The following ARHGAP20 variants were observed in gnomAD, a reference collection of about 807,000 sequenced individuals.
ARHGAP20 encodes rho GTPase-activating protein 20.
ARHGAP20 carries 34 observed loss-of-function variants against 73.7 expected under a neutral mutation model. The ratio of observed to expected loss-of-function variants is 0.46; its 90% CI spans 0.35 to 0.61. ARHGAP20 has a LOEUF of 0.61. Among genes scored for constraint, ARHGAP20 ranks in the 20% least tolerant of loss-of-function variants. ARHGAP20 has a pLI of 0.00. For missense variants in ARHGAP20, 1,314 were observed against 1,420.9 expected (o/e 0.92, Z 1.21); for synonymous variants, 523 against 518.2 (o/e 1.01, Z -0.13).
intron 2 of ARHGAP20, among the ~76,000 whole-genome samples, chr11:110,637,262 CTA>C (rs373457422): frequency 1.3e-4 from 20 of 152,138 alleles, no homozygotes; most frequent in African/African-American, 4.3e-4. Context: ...TTGGAATTGT[CTA>C]TGTTTATTAG....
Position 110,614,633 on chromosome 11 carries a change from T to C in ARHGAP20, c.558A>G (p.Leu186=), listed in dbSNP as rs1222791153. The C allele has an allele frequency of 8.1e-6, 13 of 1,611,204 alleles. No individual in the cohort carries two copies. The highest frequency in any genetic ancestry group is 1.3e-5 in the African/African-American group (1 of 74,906). ...TCTTCGGGTAGTCCTTTTCTTTCTC[T>C]AGATTGATGTATCTAATCAAATGCA... ...WLSLLQRYIN[L]EKEKDYPKSI... is the part of the protein sequence containing the mutation. The change falls in exon 6 of 15, where the codon CTA becomes CTG. Residue 186 remains leucine (L), a synonymous_variant. Coordinates refer to ENST00000683387, the MANE Select transcript of ARHGAP20 (RefSeq NM_001384657.1).
At chr11:110,681,362 TTTAAA>T (rs1950033348) in intron 2 of ARHGAP20, among the ~76,000 whole-genome samples, 1 of 152,170 alleles carries the variant, frequency 6.6e-6, no homozygotes, top group Non-Finnish European at 1.5e-5. Context: ...TAACTTCTCT[TTTAAA>T]TTAATTTTTC....
At chr11:110,686,167 C>A (rs995372008) in intron 2 of ARHGAP20, among the ~76,000 whole-genome samples, 2 of 152,096 alleles carry the variant, frequency 1.3e-5, no homozygotes, top group South Asian at 2.1e-4. Context: ...TTATTTAAAA[C>A]AGCAAGCTCA....
intron 9 of ARHGAP20, among the ~76,000 whole-genome samples, chr11:110,596,367 A>G (rs1947960441): frequency 6.6e-6 from 1 of 150,456 alleles, no homozygotes; most frequent in South Asian, 2.1e-4. Context: ...AACCTACAAA[A>G]TGGGAGAACA....
At chr11:110,602,691 TAATTG>T (rs979037495) in intron 9 of ARHGAP20, among the ~76,000 whole-genome samples, 1 of 152,174 alleles carries the variant, frequency 6.6e-6, no homozygotes, top group Non-Finnish European at 1.5e-5. Flanking sequence ...TGAGAATAGA[TAATTG>T]AATAGTTGAG....
chr11:110,688,531 T>G (rs1950180727), intron 2 of ARHGAP20, among the ~76,000 whole-genome samples: 1 of 152,126 alleles, frequency 6.6e-6, no homozygotes, highest in Non-Finnish European at 1.5e-5. Context: ...AACAATAAAT[T>G]TATTTTTACA....
intron 2 of ARHGAP20, among the ~76,000 whole-genome samples, chr11:110,650,206 C>T (rs1262677214): frequency 6.6e-6 from 1 of 152,052 alleles, no homozygotes; most frequent in Admixed American, 6.6e-5. Context: ...CTAGGGGGCA[C>T]TTTAATTATA....
At chr11:110,587,247 T>A (rs1465083281) in intron 11 of ARHGAP20, among the ~76,000 whole-genome samples, 2 of 152,210 alleles carry the variant, frequency 1.3e-5, no homozygotes, top group South Asian at 4.1e-4. Context: ...ATTACCAAGG[T>A]CAAGCTTGCA....
intron 2 of ARHGAP20, among the ~76,000 whole-genome samples, chr11:110,682,307 A>G (rs1403830410): frequency 6.6e-6 from 1 of 152,196 alleles, no homozygotes; most frequent in Non-Finnish European, 1.5e-5. Flanking sequence ...TATGTACTAG[A>G]GACTACTTTA....
chr11:110,602,871 A>G (rs750354770), intron 9 of ARHGAP20, among the ~76,000 whole-genome samples: 1 of 152,234 alleles, frequency 6.6e-6, no homozygotes, highest in Non-Finnish European at 1.5e-5. Context: ...TCTGCATAGA[A>G]TAACTATGGG....
chr11:110,665,905 A>T lies in ARHGAP20; in HGVS notation c.188+24642T>A, dbSNP rs372147163. 3.0e-4 allele frequency among the ~76,000 whole-genome samples: 46 copies of T among 152,238 alleles called. 2 individuals carry two copies. In the South Asian group the frequency reaches 7.9e-3, roughly 26 times the overall value. On this transcript the variant is annotated intron_variant, in intron 2 of 14. Transcript: ENST00000683387. ...TGACGTGATTGTTGCTAAGGCAGAA[A>T]ATTCTAATGAATCTCGAGAAATGCT...
Position 110,611,340 on chromosome 11 carries a change from A to G in ARHGAP20, c.677T>C (p.Ile226Thr), listed in dbSNP as rs1277209074. ...VMNSDTANEV[I>T]NMSLPMLGIT... is the part of the protein sequence containing the mutation. ...CCCTAGCATTGGTAATGACATGTTG[A>G]TAACTTCATTCGCTGTATCTGAATT... The change falls in exon 7 of 15, where the codon ATC becomes ACC. Residue 226 changes from isoleucine to threonine, a missense_variant. Physicochemically the swap from Ile to Thr is moderately conservative, Grantham distance 89 (BLOSUM62 -1). This residue lies in a region of ARHGAP20 where 443 missense variants were observed against 466.4 expected (regional missense o/e 0.95). Coordinates refer to ENST00000683387, the MANE Select transcript of ARHGAP20 (RefSeq NM_001384657.1). 6.4e-7 allele frequency: 1 copy of G among 1,572,524 alleles called. No individual in the cohort carries two copies. The highest frequency in any genetic ancestry group is 1.8e-5 in the Admixed American group (1 of 55,518).
chr11:110,655,275 A>G (rs998914443), intron 2 of ARHGAP20, among the ~76,000 whole-genome samples: 2 of 152,164 alleles, frequency 1.3e-5, no homozygotes, highest in African/African-American at 4.8e-5. Flanking sequence ...AAAATTTTAA[A>G]CTATGTGGTA....
chr11:110,620,162 G>A (rs1948598377), intron 4 of ARHGAP20, among the ~76,000 whole-genome samples: 1 of 152,072 alleles, frequency 6.6e-6, no homozygotes, highest in South Asian at 2.1e-4. Flanking sequence ...CTCCCAAGTA[G>A]CTAAGACTAC....
intron 1 of ARHGAP20, among the ~76,000 whole-genome samples, chr11:110,702,645 T>C (rs1950476237): frequency 6.6e-6 from 1 of 152,192 alleles, no homozygotes; most frequent in Non-Finnish European, 1.5e-5. Context: ...CTCCATTGTC[T>C]CAGCCCAAAA....
At chr11:110,586,482 CAG>C in intron 11 of ARHGAP20, among the ~76,000 whole-genome samples, 157 bp from the exon 12 acceptor site, 1 of 151,792 alleles carries the variant, frequency 6.6e-6, no homozygotes, top group Non-Finnish European at 1.5e-5. Flanking sequence ...CTTGGGGACA[CAG>C]AAACATGTAC....
At chr11:110,588,612 T>C (rs1461343190) in intron 11 of ARHGAP20, among the ~76,000 whole-genome samples, 2 of 152,210 alleles carry the variant, frequency 1.3e-5, no homozygotes. Context: ...TTTTCAATCA[T>C]TTGGATCATT....
At chr11:110,703,262 T>C (rs1950491538) in intron 1 of ARHGAP20, among the ~76,000 whole-genome samples, 1 of 152,164 alleles carries the variant, frequency 6.6e-6, no homozygotes, top group African/African-American at 2.4e-5. Flanking sequence ...AGAATTGATT[T>C]TACTTTCCAG....
intron 6 of ARHGAP20, among the ~76,000 whole-genome samples, chr11:110,614,072 T>C (rs1039349658): frequency 2.6e-5 from 4 of 152,128 alleles, no homozygotes; most frequent in Non-Finnish European, 5.9e-5. Context: ...TCCTAGATCA[T>C]CCTCCTATTA....
Sources: allele counts gnomAD v4.1 joint callset (sites outside exome capture counted in the v4.1 genomes callset), GRCh38; gene constraint gnomAD v4.1.1; regional missense constraint gnomAD v4.1.1; transcripts MANE v1.5; gene names NCBI Gene and HGNC (gene_info 2026-07-23, HGNC 2026-07-21).